GALNT2: variants seen among roughly 807,000 people sequenced by gnomAD.
GALNT2 encodes the protein polypeptide N-acetylgalactosaminyltransferase 2.
Under a neutral mutation model 81.4 loss-of-function variants are expected in GALNT2, and 31 were observed. The ratio of observed to expected loss-of-function variants is 0.38; its 90% confidence interval spans 0.29 to 0.51. GALNT2 has a LOEUF of 0.51. GALNT2 is among the 20% of genes least tolerant of loss of function. The pLI is 0.87. For missense variants in GALNT2, 629 were observed against 765.7 expected (o/e 0.82, Z 2.11); for synonymous variants, 303 against 287.4 (o/e 1.05, Z -0.55).
chr1:230,095,302 C>T (rs970495156), intron 1 of GALNT2, among the ~76,000 whole-genome samples: 3 of 152,168 alleles, frequency 2.0e-5, no homozygotes, highest in Non-Finnish European at 4.4e-5. Flanking sequence ...CCTGCTTTCA[C>T]GCACTTTTAT....
intron 2 of GALNT2, among the ~76,000 whole-genome samples, chr1:230,198,483 C>T (rs2102703177): frequency 6.7e-6 from 1 of 149,862 alleles, no homozygotes; most frequent in Middle Eastern, 3.5e-3. Context: ...AGGACAGCAG[C>T]CCAGGAGCGT....
intron 6 of GALNT2, 64 bp downstream of exon 6, chr1:230,236,789 A>G: frequency 1.3e-6 from 2 of 1,506,114 alleles, no homozygotes; most frequent in Non-Finnish European, 1.8e-6. Flanking sequence ...AATAACATAA[A>G]GAAGTGCTTT....
intron 1 of GALNT2, among the ~76,000 whole-genome samples, chr1:230,164,524 T>G (rs1203408073): frequency 2.5e-4 from 1 of 3,942 alleles, no homozygotes; most frequent in Non-Finnish European, 5.2e-4. Context: ...GACAGCACGG[T>G]CTCTGGGCCC....
intron 1 of GALNT2, among the ~76,000 whole-genome samples, chr1:230,132,609 T>G (rs1661403787): frequency 6.6e-6 from 1 of 152,150 alleles, no homozygotes; most frequent in African/African-American, 2.4e-5. Flanking sequence ...GTCTTGGAAC[T>G]TGCTTGGGAA....
intron 10 of GALNT2, among the ~76,000 whole-genome samples, chr1:230,251,721 C>T (rs1665550049): frequency 6.6e-6 from 1 of 152,208 alleles, no homozygotes; most frequent in Non-Finnish European, 1.5e-5. Flanking sequence ...GGAAATCCAG[C>T]AGGCCAGGGT....
intron 2 of GALNT2, among the ~76,000 whole-genome samples, chr1:230,194,010 G>A (rs1011960373): frequency 5.3e-5 from 8 of 152,148 alleles, no homozygotes; most frequent in Non-Finnish European, 1.0e-4. Context: ...CTCCAGCCTC[G>A]ATAAGATGGG....
At chr1:230,267,002 A>G (rs1420946225) in intron 14 of GALNT2, among the ~76,000 whole-genome samples, 1 of 137,654 alleles carries the variant, frequency 7.3e-6, no homozygotes, top group East Asian at 2.0e-4. Flanking sequence ...ACACACACAC[A>G]CACACACACA....
At chr1:230,241,967 T>C (rs1242761850) in intron 6 of GALNT2, among the ~76,000 whole-genome samples, 1 of 152,202 alleles carries the variant, frequency 6.6e-6, no homozygotes, top group East Asian at 1.9e-4. Context: ...TTGGTTCCTG[T>C]GTGGTTCAGA....
chr1:230,250,709 T>G (rs1411424790), intron 10 of GALNT2, 149 bp downstream of exon 10: 1 of 567,798 alleles, frequency 1.8e-6, no homozygotes, highest in Non-Finnish European at 3.1e-6. Context: ...ACACCCCTTT[T>G]GCTCTTGAAA....
In GALNT2 at chr1:230,275,515, C is replaced by CATAT. The variant is rs1409888723; in HGVS notation, c.1560+957_1560+960dup. On this transcript the variant is annotated intron_variant, in intron 15 of 15. Transcript: ENST00000366672. This position sits in a 1 kb window ranked among gnomAD's most constrained non-coding sequence, Gnocchi z 5.5. ...TACACACACACACCACAGATACATACATATATATACATGCCACATAGATAT... is the reference window on the plus strand; with the variant it reads ...TACACACACACACCACAGATACATACATATATATATATACATGCCACATAGATAT... Among the ~76,000 whole-genome samples, 1 of 150,578 alleles carries CATAT rather than the reference C, an allele frequency of 6.6e-6. No individual in the cohort carries two copies. The highest frequency in any genetic ancestry group is 1.9e-4 in the East Asian group (1 of 5,152).
At chr1:230,077,720 AC>A (rs1460169996) in intron 1 of GALNT2, among the ~76,000 whole-genome samples, 2 of 152,178 alleles carry the variant, frequency 1.3e-5, no homozygotes, top group East Asian at 3.8e-4. Context: ...CCACTGTGCC[AC>A]CAAAAGCGCT....
At chr1:230,155,641 G>A (rs1325442165) in intron 1 of GALNT2, among the ~76,000 whole-genome samples, 2 of 152,196 alleles carry the variant, frequency 1.3e-5, no homozygotes, top group Non-Finnish European at 2.9e-5. Flanking sequence ...GTTTTGTGAG[G>A]ACTGGAGCTT....
chr1:230,118,850 A>G (rs1367320412), intron 1 of GALNT2, among the ~76,000 whole-genome samples: 1 of 152,070 alleles, frequency 6.6e-6, no homozygotes, highest in Non-Finnish European at 1.5e-5. Flanking sequence ...GTTCAAATAT[A>G]TGTAAGTAGA....
chr1:230,272,692 G>A (rs1666187332), intron 14 of GALNT2, among the ~76,000 whole-genome samples: 1 of 152,128 alleles, frequency 6.6e-6, no homozygotes, highest in Admixed American at 6.5e-5. Context: ...AGCTGGAGAT[G>A]GTGCATCCCG....
intron 2 of GALNT2, among the ~76,000 whole-genome samples, chr1:230,198,015 G>T (rs1345318019): frequency 2.0e-5 from 3 of 152,198 alleles, no homozygotes. Context: ...AGCGTCCGGC[G>T]CAAGACCACA....
intron 1 of GALNT2, among the ~76,000 whole-genome samples, chr1:230,122,110 A>G (rs538460933): frequency 6.6e-6 from 1 of 152,188 alleles, no homozygotes; most frequent in Non-Finnish European, 1.5e-5. Flanking sequence ...GCGGTGCTGT[A>G]CATTATGAAC....
intron 1 of GALNT2, among the ~76,000 whole-genome samples, chr1:230,171,685 A>G (rs890849032): frequency 6.6e-6 from 1 of 152,240 alleles, no homozygotes; most frequent in East Asian, 1.9e-4. Context: ...TTTAAATTAT[A>G]TGGAAGCAGC....
At chr1:230,133,416 G>A (rs951219737) in intron 1 of GALNT2, among the ~76,000 whole-genome samples, 1 of 151,660 alleles carries the variant, frequency 6.6e-6, no homozygotes, top group African/African-American at 2.4e-5. Context: ...TTGCCTAGGT[G>A]GTAGTTGACG....
At chr1:230,253,547 A>G (rs1027150758) in intron 10 of GALNT2, among the ~76,000 whole-genome samples, 3 of 152,106 alleles carry the variant, frequency 2.0e-5, no homozygotes, top group South Asian at 2.1e-4. Flanking sequence ...TACTTCTTTT[A>G]ATTTGTTAAT....
Sources: gnomAD v4.1 joint callset for allele counts (sites outside exome capture counted in the v4.1 genomes callset) on GRCh38, gnomAD v4.1.1 for gene constraint, Gnocchi (gnomAD v3.1) non-coding constraint, MANE v1.5 for transcripts, NCBI Gene and HGNC (gene_info 2026-07-23, HGNC 2026-07-21) for gene names.